Variants in CCDC178 observed in about 807,000 individuals in gnomAD.
The protein encoded by CCDC178 is coiled-coil domain-containing protein 178.
Under a neutral mutation model 117.4 loss-of-function variants are expected in CCDC178, and 126 were observed. That is an observed-to-expected ratio of 1.07 (90% confidence interval 0.93 to 1.24). The LOEUF is 1.24. CCDC178 is among the 50% of genes most tolerant of loss of function. The pLI is 0.00. For missense variants in CCDC178, 1,030 were observed against 986.9 expected (o/e 1.04, Z -0.59); for synonymous variants, 283 against 313.4 (o/e 0.90, Z 1.02).
chr18:33,346,814 AT>A (rs984805277), intron 8 of CCDC178, among the ~76,000 whole-genome samples: 2 of 152,212 alleles, frequency 1.3e-5, no homozygotes, highest in African/African-American at 4.8e-5. Flanking sequence ...AATAATCATA[AT>A]GGTTCCTAGA....
chr18:33,223,067 CTG>C (rs1395768836), intron 18 of CCDC178, 37 bp downstream of exon 18: 28 of 1,446,370 alleles, frequency 1.9e-5, no homozygotes, highest in Non-Finnish European at 2.7e-5. Context: ...CATACATAAA[CTG>C]TAAATTCAAA....
chr18:33,114,567 C>G (rs956418105), intron 20 of CCDC178, among the ~76,000 whole-genome samples: 1 of 151,972 alleles, frequency 6.6e-6, no homozygotes, highest in Non-Finnish European at 1.5e-5. Flanking sequence ...AAGGAGCCCA[C>G]AGAAAATCCA....
intron 20 of CCDC178, among the ~76,000 whole-genome samples, chr18:33,094,548 T>C (rs1262214827): frequency 6.6e-6 from 1 of 151,926 alleles, no homozygotes; most frequent in African/African-American, 2.4e-5. Context: ...CAGGTGCTTT[T>C]CTTTCCATTT....
intron 19 of CCDC178, among the ~76,000 whole-genome samples, chr18:33,213,284 A>C (rs2059128024): frequency 6.6e-6 from 1 of 152,004 alleles, no homozygotes; most frequent in Non-Finnish European, 1.5e-5. Context: ...AGCTGTTATC[A>C]GCAAATTTGA....
intron 20 of CCDC178, among the ~76,000 whole-genome samples, chr18:33,129,333 T>C (rs1326647276): frequency 6.6e-6 from 1 of 152,068 alleles, no homozygotes; most frequent in Admixed American, 6.6e-5. Flanking sequence ...ATGGGATTAA[T>C]AGAGAATAAA....
At chr18:33,406,614 G>C (rs556654015) in intron 3 of CCDC178, among the ~76,000 whole-genome samples, 102 of 152,128 alleles carry the variant, frequency 6.7e-4, no homozygotes, top group Non-Finnish European at 1.0e-3. Context: ...ACATATAGTA[G>C]ATCTCAGTGA....
intron 2 of CCDC178, among the ~76,000 whole-genome samples, chr18:33,424,285 C>T (rs1418787853): frequency 6.6e-6 from 1 of 152,090 alleles, no homozygotes; most frequent in Non-Finnish European, 1.5e-5. Flanking sequence ...AAAATACTTC[C>T]TAATCTATAG....
chr18:33,321,121 T>G (rs1337853738), intron 11 of CCDC178, among the ~76,000 whole-genome samples: 1 of 152,188 alleles, frequency 6.6e-6, no homozygotes, highest in Non-Finnish European at 1.5e-5. Flanking sequence ...ATGTTAGACC[T>G]AAAACCATAA....
intron 14 of CCDC178, among the ~76,000 whole-genome samples, chr18:33,264,756 T>C (rs1222212931): frequency 6.6e-6 from 1 of 152,082 alleles, no homozygotes. Context: ...TTCAAAGGAA[T>C]GTGAGTGGTA....
At chr18:33,133,355 G>A (rs192495688) in intron 20 of CCDC178, among the ~76,000 whole-genome samples, 1 of 151,834 alleles carries the variant, frequency 6.6e-6, no homozygotes, top group Admixed American at 6.6e-5. Flanking sequence ...TTAAACTGAG[G>A]AATGAAGCCA....
rs189481936 is a variant in CCDC178 at position 33,440,096 on chromosome 18, T to C, written c.-142-15A>G. On this transcript the variant is annotated splice_polypyrimidine_tract_variant and intron_variant, in intron 1 of 22. Coordinates refer to ENST00000383096, the MANE Select transcript of CCDC178 (RefSeq NM_001105528.4). ...TTGAGCAGACACTTAAAAAATTAAA[T>C]ATCAAGAAAAGAAATCAATAACAGT... The C allele has an allele frequency of 1.3e-5, 2 of 152,218 alleles. No homozygotes were observed. Among genetic ancestry groups the C allele is most frequent in the East Asian group, 3.9e-4 (2 of 5,190 alleles). The allele number at this position is 152,218 out of a possible 1,614,324, so 9.4% of individuals were successfully genotyped here.
intron 20 of CCDC178, among the ~76,000 whole-genome samples, chr18:33,160,457 T>C (rs768922707): frequency 7.2e-5 from 11 of 152,150 alleles, no homozygotes. Context: ...TAATTTTATA[T>C]TCAAGTATTC....
intron 2 of CCDC178, among the ~76,000 whole-genome samples, chr18:33,435,989 A>C (rs1187802311): frequency 6.6e-6 from 1 of 152,134 alleles, no homozygotes; most frequent in Non-Finnish European, 1.5e-5. Flanking sequence ...TGTGTGTCCA[A>C]TATTCATGAG....
At chr18:33,222,175 T>C (rs2144622148) in intron 18 of CCDC178, among the ~76,000 whole-genome samples, 1 of 152,102 alleles carries the variant, frequency 6.6e-6, no homozygotes, top group East Asian at 1.9e-4. Flanking sequence ...AGTGTAATCA[T>C]GCTATTTTTT....
chr18:33,312,989 T>C (rs750569937), intron 11 of CCDC178, among the ~76,000 whole-genome samples: 75 of 152,272 alleles, frequency 4.9e-4, no homozygotes, highest in Non-Finnish European at 6.3e-4. Flanking sequence ...GGAGTAGCTA[T>C]ATGCAAGAGG....
intron 11 of CCDC178, among the ~76,000 whole-genome samples, chr18:33,320,791 A>G (rs2062497752): frequency 6.6e-6 from 1 of 152,212 alleles, no homozygotes; most frequent in African/African-American, 2.4e-5. Flanking sequence ...AGTCAATCCT[A>G]AGCCAAAAGA....
At chr18:33,277,085 C>T (rs1296367112) in intron 12 of CCDC178, among the ~76,000 whole-genome samples, 2 of 151,998 alleles carry the variant, frequency 1.3e-5, no homozygotes, top group African/African-American at 2.4e-5. Context: ...TACTATTTAA[C>T]ACTGTATTAA....
At chr18:33,095,767 G>A (rs917996808) in intron 20 of CCDC178, among the ~76,000 whole-genome samples, 7 of 150,742 alleles carry the variant, frequency 4.6e-5, no homozygotes, top group Non-Finnish European at 1.0e-4. Flanking sequence ...CTACTTGAGA[G>A]GTGTATATAT....
chr18:33,149,047 C>T (rs1284411498), intron 20 of CCDC178, among the ~76,000 whole-genome samples: 2 of 152,158 alleles, frequency 1.3e-5, no homozygotes, highest in African/African-American at 4.8e-5. Flanking sequence ...AGTTTGCCAT[C>T]CTTATGGTTC....
Sources: allele counts gnomAD v4.1 joint callset (sites outside exome capture counted in the v4.1 genomes callset), GRCh38; gene constraint gnomAD v4.1.1; transcripts MANE v1.5; gene names NCBI Gene and HGNC (gene_info 2026-07-23, HGNC 2026-07-21).